IL4I1: variants seen among roughly 807,000 people sequenced by gnomAD.
IL4I1 encodes the protein L-amino-acid oxidase.
Under a neutral mutation model 29.7 loss-of-function variants are expected in IL4I1, and 24 were observed. The ratio of observed to expected loss-of-function variants is 0.81; its 90% CI spans 0.59 to 1.14. IL4I1 has a LOEUF of 1.14. Ranked by LOEUF, IL4I1 falls within the 50% of genes most tolerant of loss-of-function variation. The probability of loss-of-function intolerance (pLI) is 0.00; values close to 1 mark genes in which losing one functional copy is unlikely to be tolerated. For synonymous variants in IL4I1, 371 were observed against 352.5 expected, an observed-to-expected ratio of 1.05 and a Z score of -0.59; for missense variants, 686 against 785.6, an observed-to-expected ratio of 0.87 and a Z score of 1.52.
upstream of IL4I1, among the ~76,000 whole-genome samples, chr19:49,898,870 A>AAAAC (rs773012323): frequency 4.5e-4 from 69 of 152,276 alleles, no homozygotes; most frequent in Non-Finnish European, 5.7e-4. Flanking sequence ...CTCCGTCTCA[A>AAAAC]AAACAAACAA....
Position 49,909,554 on chromosome 19 carries a change from C to T in IL4I1, c.-227-5233G>A, listed in dbSNP as rs1057193121. 15 of 1,614,004 alleles carry T rather than the reference C, an allele frequency of 9.3e-6. No homozygotes were observed. In the Admixed American group the frequency reaches 2.3e-4, roughly 25 times the overall value. ...ACCGATCCCCAAAGAAAATCCAGTT[C>T]CCCCCGAAGCAAGAGTCGCTGTTCC... On this transcript the variant is annotated intron_variant, in intron 2 of 9. Transcript: ENST00000341114.
upstream of IL4I1, chr19:49,901,627 G>T: frequency 4.0e-6 from 6 of 1,493,752 alleles, no homozygotes; most frequent in Non-Finnish European, 3.6e-6. Context: ...GGCCCCGGGT[G>T]GGGGCACTCA....
At position 49,921,931 on chromosome 19, in the gene IL4I1, T is replaced by C. The variant is rs2075774353; in HGVS notation, c.-228+5763A>G. 6.6e-6 allele frequency among the ~76,000 whole-genome samples: 1 copy of C among 152,180 alleles called. No homozygotes were observed. The highest frequency in any genetic ancestry group is 2.4e-5 in the African/African-American group (1 of 41,444). On this transcript the variant is annotated intron_variant, in intron 2 of 9. Transcript: ENST00000341114. This position sits in a 1 kb window ranked among gnomAD's most constrained non-coding sequence, Gnocchi z 5.4. ...TCACCTCCCTTCCATCTTGGCAGGA[T>C]GAGTGCATTTGCTGCGAGAAAGCAG...
chr19:49,896,656 A>T (rs781329638), intron 1 of IL4I1, among the ~76,000 whole-genome samples, 179 bp downstream of exon 1: 55 of 151,108 alleles, frequency 3.6e-4, no homozygotes, highest in Non-Finnish European at 6.3e-4. Context: ...CTGGTCTCGA[A>T]CTCCTGACCT....
Position 49,889,898 on chromosome 19 carries a change from C to A in IL4I1, c.1476G>T (p.Thr492=). Residue 492 remains threonine, a synonymous_variant, in exon 8 of 8, where the codon ACG becomes ACT. Coordinates refer to ENST00000391826, the MANE Select transcript of IL4I1 (RefSeq NM_152899.2). ...HTAYPHGWVE[T]AVKSALRAAI... is the part of the protein sequence containing the mutation. ...CGGCGCGCAGCGCCGACTTGACCGC[C>A]GTCTCCACCCAGCCGTGCGGGTAGG... 6.2e-7 allele frequency: 1 copy of A among 1,607,834 alleles called. No homozygotes were observed. Among genetic ancestry groups the A allele is most frequent in the Non-Finnish European group, 8.5e-7 (1 of 1,176,992 alleles).
At chr19:49,897,930 T>C (rs544707004), upstream of IL4I1, among the ~76,000 whole-genome samples, 9 of 151,978 alleles carry the variant, frequency 5.9e-5, 2 homozygotes, top group South Asian at 1.9e-3. Flanking sequence ...GGGGTGAATG[T>C]GAGTAACAAG....
intron 2 of IL4I1, among the ~76,000 whole-genome samples, chr19:49,914,296 G>A (rs145811656): frequency 4.5e-4 from 68 of 152,278 alleles, no homozygotes; most frequent in Middle Eastern, 6.8e-3. Flanking sequence ...TGCTGGTGGC[G>A]GTGGAGGAAG....
chr19:49,900,518 C>T (rs1051828967), upstream of IL4I1, among the ~76,000 whole-genome samples: 1 of 151,354 alleles, frequency 6.6e-6, no homozygotes, highest in Non-Finnish European at 1.5e-5. Flanking sequence ...GAAGTCCTGA[C>T]CTCAGGTGAT....
chr19:49,889,676 C>T lies in IL4I1; in HGVS notation c.1698G>A (p.Ser566=), dbSNP rs1850465599. 1.4e-6 allele frequency: 2 copies of T among 1,481,104 alleles called. No homozygotes were observed. The highest frequency in any genetic ancestry group is 2.4e-5 in the Admixed American group (1 of 42,320). The allele number at this position is 1,481,104 out of a possible 1,614,324, so 91.7% of individuals were successfully genotyped here. ...SLQNTTHTRT[S]H ...GGCTTTTTCCGAAAATACTTTAATG[C>T]GAGGTCCTCGTGTGGGTCGTGTTTT... is the stretch of plus-strand genomic sequence containing the variant. Residue 566 remains serine (S), a synonymous_variant, in exon 8 of 8, where the codon TCG becomes TCA. Coordinates refer to ENST00000391826, the MANE Select transcript of IL4I1 (RefSeq NM_152899.2).
intron 5 of IL4I1, among the ~76,000 whole-genome samples, chr19:49,893,630 T>G (rs1318319608): frequency 6.6e-6 from 1 of 150,652 alleles, no homozygotes; most frequent in Non-Finnish European, 1.5e-5. Context: ...AGTGTGTGGG[T>G]GAAAGGGGAA....
upstream of IL4I1, among the ~76,000 whole-genome samples, chr19:49,899,411 G>T (rs181851145): frequency 4.6e-5 from 7 of 152,174 alleles, no homozygotes; most frequent in East Asian, 1.4e-3. Context: ...GAGAGATGGG[G>T]TCTTGCTGTG....
chr19:49,918,280 G>A (rs1336887929), intron 2 of IL4I1, among the ~76,000 whole-genome samples: 6 of 152,064 alleles, frequency 3.9e-5, no homozygotes, highest in Non-Finnish European at 8.8e-5. Context: ...GCCCAGGCTG[G>A]TCTCCAACTC....
chr19:49,909,927 A>T, intron 2 of IL4I1: 2 of 1,064,344 alleles, frequency 1.9e-6, no homozygotes, highest in Admixed American at 3.9e-5. Flanking sequence ...AGTTTTGGAA[A>T]GGCAAGCTCA....
intron 2 of IL4I1, among the ~76,000 whole-genome samples, chr19:49,916,111 A>G (rs912538581): frequency 6.6e-6 from 1 of 152,238 alleles, no homozygotes; most frequent in East Asian, 1.9e-4. Context: ...AAACAAGTGC[A>G]GACTCCCCAA....
rs2075105707 is a variant in IL4I1 at position 49,889,848 on chromosome 19, C to G, written c.1526G>C (p.Gly509Ala). Residue 509 changes from glycine (G) to alanine (A), a missense_variant, in exon 8 of 8, where the codon GGG becomes GCG. Transcript: ENST00000391826. ...GGGGCTGGCCGTGTCCGATGCAGGC[C>G]CCTTCCGGCTGTTGATCTTGATGGC... ...RAAIKINSRKGPASDTASPEG... is the reference protein window; with the variant it reads ...RAAIKINSRKAPASDTASPEG... The G allele has an allele frequency of 6.3e-7, 1 of 1,588,540 alleles. No homozygotes were observed. The highest frequency in any genetic ancestry group is 1.4e-5 in the African/African-American group (1 of 73,950).
chr19:49,909,042 A>C (rs1399426661), intron 2 of IL4I1: 1 of 1,613,048 alleles, frequency 6.2e-7, no homozygotes, highest in Non-Finnish European at 8.5e-7. Flanking sequence ...TTTAAGCTGA[A>C]GCCCTGTGTC....
At chr19:49,916,175 A>G (rs754718348) in intron 2 of IL4I1, among the ~76,000 whole-genome samples, 1 of 152,224 alleles carries the variant, frequency 6.6e-6, no homozygotes, top group Non-Finnish European at 1.5e-5. Context: ...TTCCAGGGCC[A>G]AGTCTTGACA....
intron 6 of IL4I1, 70 bp from the exon 7 acceptor site, chr19:49,891,177 T>C: frequency 1.3e-6 from 2 of 1,568,414 alleles, no homozygotes; most frequent in Non-Finnish European, 1.7e-6. Flanking sequence ...CCTCCGCAGC[T>C]GGGCCTCCTG....
chr19:49,918,895 T>TGGGGG (rs56129490), intron 2 of IL4I1, among the ~76,000 whole-genome samples: 21 of 72,328 alleles, frequency 2.9e-4, no homozygotes, highest in African/African-American at 5.3e-4. Flanking sequence ...TTTGGGAGGC[T>TGGGGG]GGGGGGGGGG....
Sources: gnomAD v4.1 joint callset for allele counts (sites outside exome capture counted in the v4.1 genomes callset) on GRCh38, gnomAD v4.1.1 for gene constraint, Gnocchi (gnomAD v3.1) non-coding constraint, MANE v1.5 for transcripts, NCBI Gene and HGNC (gene_info 2026-07-23, HGNC 2026-07-21) for gene names.